The following RRM2 variants were observed in gnomAD, a reference collection of about 807,000 sequenced individuals.
RRM2 encodes ribonucleotide reductase regulatory subunit M2.
Under a neutral mutation model 45.9 loss-of-function variants are expected in RRM2, and 6 were observed. That is an observed-to-expected ratio of 0.13 (90% CI 0.07 to 0.26). RRM2 has a LOEUF of 0.26. RRM2 is among the 10% of genes least tolerant of loss of function. The pLI is 1.00. For missense variants in RRM2, 343 were observed against 489.5 expected (o/e 0.70, Z 2.82); for synonymous variants, 177 against 173.0 (o/e 1.02, Z -0.18).
chr2:10,164,087 TGA>T (rs1663630235), intron 3 of RRM2, among the ~76,000 whole-genome samples: 1 of 151,742 alleles, frequency 6.6e-6, no homozygotes, highest in Admixed American at 6.6e-5. Context: ...AGTGTGCATA[TGA>T]GTGTGTGTGT....
In RRM2 at chr2:10,129,500, C is replaced by T. The variant is rs1572490318; in HGVS notation, c.*114C>T. On this transcript the variant is annotated 3_prime_UTR_variant, in exon 10 of 10. Transcript: ENST00000304567. This position sits in a 1 kb window ranked among gnomAD's most constrained non-coding sequence, Gnocchi z 4.8. Reference sequence around the variant, plus strand: ...ATGAATTGTCCGTAATGTTCATTAACAGCATCTTTAAAACTGTGTAGCTAC... The same window carrying T: ...ATGAATTGTCCGTAATGTTCATTAATAGCATCTTTAAAACTGTGTAGCTAC... The T allele has an allele frequency of 1.8e-6, 2 of 1,101,090 alleles. No homozygotes were observed. The highest frequency in any genetic ancestry group is 2.4e-5 in the East Asian group (1 of 42,392). 68.2% of individuals were successfully genotyped at this position (1,101,090 alleles called of 1,614,324 possible). A position where few individuals can be genotyped will look rare whatever the true frequency, so the allele number is the denominator to read the frequency against.
At chr2:10,159,951 C>A (rs1359383209) in intron 3 of RRM2, among the ~76,000 whole-genome samples, 2 of 152,174 alleles carry the variant, frequency 1.3e-5, no homozygotes, top group Non-Finnish European at 2.9e-5. Flanking sequence ...TCTGCTCTTA[C>A]CCTTTGTGCT....
At chr2:10,141,824 C>T (rs1305555801) in intron 1 of RRM2, 2 of 1,551,704 alleles carry the variant, frequency 1.3e-6, no homozygotes, top group Admixed American at 3.9e-5. Context: ...AGCATGCAGT[C>T]ACTGAGCCCT....
intron 3 of RRM2, among the ~76,000 whole-genome samples, chr2:10,184,091 T>TAAA (rs60421650): frequency 0.031 from 951 of 30,656 alleles, 193 homozygotes; most frequent in Non-Finnish European, 0.038. Context: ...AGACTCCATC[T>TAAA]AAAAAAAAAA....
chr2:10,161,666 GCACACACACACATT>G lies in RRM2; in HGVS notation n.482+19304_482+19317del, dbSNP rs748975187. Among the ~76,000 whole-genome samples, 275 of 147,484 alleles carry G rather than the reference GCACACACACACATT, an allele frequency of 1.9e-3. 1 individual carries two copies. Among genetic ancestry groups the G allele is most frequent in the Admixed American group, 1.9e-3 (28 of 14,710 alleles). ...CACTCACACATACACTCACACTCATGCACACACACACATTCACACACACACACACACATTCACAT... is the reference window on the plus strand; with the variant it reads ...CACTCACACATACACTCACACTCATGCACACACACACACACACATTCACAT... On this transcript the variant is annotated intron_variant and non_coding_transcript_variant, in intron 3 of 3. Coordinates refer to the RRM2 transcript ENST00000381786.
Position 10,123,013 on chromosome 2 carries a change from G to T in RRM2, c.130G>T (p.Ala44Ser). 6.4e-7 allele frequency: 1 copy of T among 1,565,566 alleles called. No homozygotes were observed. The highest frequency in any genetic ancestry group is 8.6e-7 in the Non-Finnish European group (1 of 1,162,462). Residue 44 changes from alanine (A) to serine (S), a missense_variant, in exon 2 of 10, where the codon GCC becomes TCC. This residue lies in a region of RRM2 where 131 missense variants were observed against 121.4 expected (regional missense o/e 1.08). Coordinates refer to ENST00000304567, the MANE Select transcript of RRM2 (RefSeq NM_001034.4). Reference protein sequence around the residue: ...PPALSGTRVLASKTARRIFQE... With the variant: ...PPALSGTRVLSSKTARRIFQE... ...GGCCCTGAGCGGGACCCGCGTCCTGGCCAGCAAGACCGCGAGGAGGATCTT... is the reference window on the plus strand; with the variant it reads ...GGCCCTGAGCGGGACCCGCGTCCTGTCCAGCAAGACCGCGAGGAGGATCTT...
Position 10,204,273 on chromosome 2 carries a change from C to T in RRM2, n.483-6038C>T, listed in dbSNP as rs1664624953. ...GGCATGGGAGCCCAGAAAAAGGCCC[C>T]ATCCAGCCTGTGGGATCAGAGGAGC... On this transcript the variant is annotated intron_variant and non_coding_transcript_variant, in intron 3 of 3. Coordinates refer to the RRM2 transcript ENST00000381786. The surrounding 1 kb of genome is among the most constrained non-coding windows in gnomAD (Gnocchi z 4.0). Among the ~76,000 whole-genome samples, 1 of 152,170 alleles carries T rather than the reference C, an allele frequency of 6.6e-6. No homozygotes were observed. The highest frequency in any genetic ancestry group is 2.4e-5 in the African/African-American group (1 of 41,450).
At chr2:10,140,709 A>C (rs546497803), upstream of RRM2, among the ~76,000 whole-genome samples, 1 of 152,350 alleles carries the variant, frequency 6.6e-6, no homozygotes, top group African/African-American at 2.4e-5. Flanking sequence ...TTGTCATAAA[A>C]ATGTGTACAT....
chr2:10,122,945 A>G (rs534254567), intron 1 of RRM2, 38 bp from the exon 2 acceptor site: 2 of 1,547,008 alleles, frequency 1.3e-6, no homozygotes, highest in Admixed American at 1.9e-5. Context: ...AGGCAGGGAA[A>G]GCGAAGCCGC....
chr2:10,152,477 T>A (rs1183430982), intron 3 of RRM2, among the ~76,000 whole-genome samples: 1 of 31,320 alleles, frequency 3.2e-5, no homozygotes, highest in Non-Finnish European at 7.8e-5. Flanking sequence ...CTGTGTACTA[T>A]TTTTTTTTTT....
chr2:10,131,226 T>C lies in RRM2; in HGVS notation c.*1840T>C, dbSNP rs1662894677. ...TTAAAATGAAAGGCTTTGTCTTGCA[T>C]TGTGAGGTACAGGCGGAAGTTGGAA... On this transcript the variant is annotated 3_prime_UTR_variant, in exon 10 of 10. Coordinates refer to ENST00000304567, the MANE Select transcript of RRM2 (RefSeq NM_001034.4). The C allele has an allele frequency of 6.6e-6, 1 of 152,196 alleles. No individual in the cohort carries two copies. The highest frequency in any genetic ancestry group is 2.4e-5 in the African/African-American group (1 of 41,436). The allele number at this position is 152,196 out of a possible 1,614,324, so 9.4% of individuals were successfully genotyped here. A position where few individuals can be genotyped will look rare whatever the true frequency, so the allele number is the denominator to read the frequency against.
At chr2:10,176,948 A>G (rs1425132640) in intron 3 of RRM2, among the ~76,000 whole-genome samples, 1 of 152,198 alleles carries the variant, frequency 6.6e-6, no homozygotes, top group Non-Finnish European at 1.5e-5. Flanking sequence ...TGATGTCTTT[A>G]AAATAGTACT....
chr2:10,144,417 G>A (rs1288600680), intron 3 of RRM2, among the ~76,000 whole-genome samples: 3 of 152,234 alleles, frequency 2.0e-5, no homozygotes, highest in Non-Finnish European at 4.4e-5. Flanking sequence ...TCTTGGCAGA[G>A]TACCATTCGG....
In RRM2 at chr2:10,195,452, C is replaced by T. The variant is rs1197902766; in HGVS notation, n.483-14859C>T. Among the ~76,000 whole-genome samples, 1 of 152,184 alleles carries T rather than the reference C, an allele frequency of 6.6e-6. No homozygotes were observed. The highest frequency in any genetic ancestry group is 1.9e-4 in the East Asian group (1 of 5,194). On this transcript the variant is annotated intron_variant and non_coding_transcript_variant, in intron 3 of 3. Coordinates refer to the RRM2 transcript ENST00000381786. The surrounding 1 kb of genome is among the most constrained non-coding windows in gnomAD (Gnocchi z 4.9). ...TGATGGGTCCCTGAAGCACCGGAGC[C>T]AGCAGCAGGAGCATGCGGGGGAGAC...
At chr2:10,140,672 T>A (rs919268591), upstream of RRM2, among the ~76,000 whole-genome samples, 9 of 152,132 alleles carry the variant, frequency 5.9e-5, no homozygotes, top group African/African-American at 2.2e-4. Flanking sequence ...TAGCAGAACG[T>A]AAAGTTATGG....
intron 3 of RRM2, among the ~76,000 whole-genome samples, chr2:10,150,084 C>T (rs1016909800): frequency 2.0e-5 from 3 of 152,086 alleles, no homozygotes; most frequent in Non-Finnish European, 1.5e-5. Flanking sequence ...GAGGACGAGG[C>T]GGGTGGATTG....
intron 3 of RRM2, among the ~76,000 whole-genome samples, chr2:10,143,856 C>T (rs1572498863): frequency 6.6e-6 from 1 of 152,258 alleles, no homozygotes; most frequent in Non-Finnish European, 1.5e-5. Flanking sequence ...GTAGTAGAGA[C>T]GGGGTTTCAC....
At chr2:10,125,094 A>G (rs1662751550) in intron 5 of RRM2, among the ~76,000 whole-genome samples, 1 of 152,202 alleles carries the variant, frequency 6.6e-6, no homozygotes, top group African/African-American at 2.4e-5. Context: ...TTCTTTTGAA[A>G]AAATTCCTAG....
At chr2:10,155,107 G>T in intron 3 of RRM2, 1 of 269,780 alleles carries the variant, frequency 3.7e-6, no homozygotes, top group East Asian at 1.3e-4. Context: ...CACTGACACT[G>T]GGATACTGAG....
Sources: allele counts gnomAD v4.1 joint callset (sites outside exome capture counted in the v4.1 genomes callset), GRCh38; gene constraint gnomAD v4.1.1; regional missense constraint gnomAD v4.1.1; non-coding constraint Gnocchi (gnomAD v3.1); transcripts MANE v1.5; gene names NCBI Gene and HGNC (gene_info 2026-07-23, HGNC 2026-07-21).